ABLIM3: variants seen among roughly 807,000 people sequenced by gnomAD.
ABLIM3 encodes the protein actin binding LIM protein family member 3.
ABLIM3 carries 61 observed loss-of-function variants against 109.5 expected under a neutral mutation model. That is an observed-to-expected ratio of 0.56 (90% CI 0.45 to 0.69). ABLIM3 has a LOEUF of 0.69. Among genes scored for constraint, ABLIM3 ranks in the 30% least tolerant of loss-of-function variants. ABLIM3 has a pLI of 0.00. For synonymous variants in ABLIM3, 300 were observed against 324.8 expected (o/e 0.92, Z 0.82); for missense variants, 796 against 889.5 (o/e 0.89, Z 1.34).
At chr5:149,150,986 A>T (rs1185581698) in intron 2 of ABLIM3, among the ~76,000 whole-genome samples, 2 of 152,266 alleles carry the variant, frequency 1.3e-5, no homozygotes, top group Non-Finnish European at 2.9e-5. Context: ...AGTGCATGGC[A>T]CATAACAAAG....
At position 149,247,876 on chromosome 5, in the gene ABLIM3, C is replaced by T; in HGVS notation, c.1646C>T (p.Thr549Ile). 1 of 1,614,248 alleles carries T rather than the reference C, an allele frequency of 6.2e-7. No individual in the cohort carries two copies. The highest frequency in any genetic ancestry group is 2.2e-5 in the East Asian group (1 of 44,888). Residue 549 changes from threonine (T) to isoleucine (I), a missense_variant, in exon 18 of 24, where the codon ACC (threonine) becomes ATC (isoleucine). Coordinates refer to ENST00000309868, the MANE Select transcript of ABLIM3 (RefSeq NM_014945.5). The part of the protein sequence containing the change: ...ADPWTPPRSS[T>I]SSREALHTAG... ...CCCTGGACCCCTCCCCGGAGCTCCACCAGCAGCCGGGAAGCCCTGCACACA... is the reference window on the plus strand; with the variant it reads ...CCCTGGACCCCTCCCCGGAGCTCCATCAGCAGCCGGGAAGCCCTGCACACA...
intron 5 of ABLIM3, among the ~76,000 whole-genome samples, chr5:149,201,402 A>G (rs1054542577): frequency 4.6e-5 from 7 of 152,078 alleles, no homozygotes; most frequent in South Asian, 2.1e-4. Context: ...GCTGTTGGCC[A>G]TGGCACCAGC....
intron 2 of ABLIM3, among the ~76,000 whole-genome samples, chr5:149,178,647 C>G (rs12523144): frequency 1.0e-3 from 159 of 152,300 alleles, no homozygotes; most frequent in Admixed American, 9.8e-3. Flanking sequence ...GGCAGCACAT[C>G]AGTGAAAGAA....
At position 149,242,533 on chromosome 5, in the gene ABLIM3, G is replaced by T. The variant is rs144233458; in HGVS notation, c.1346G>T (p.Arg449Leu). ...TACCGGAAACCCCCGATCTACAAACGGCATGGTATGGTCAGAGGTAGATAG... is the reference window on the plus strand; with the variant it reads ...TACCGGAAACCCCCGATCTACAAACTGCATGGTATGGTCAGAGGTAGATAG... ...NIYRKPPIYK[R>L]HGDLSTATKS... The change falls in exon 15 of 24, where the codon CGG (arginine) becomes CTG (leucine). Residue 449 changes from arginine to leucine, a missense_variant. By Grantham distance (102) the Arg-to-Leu change is moderately radical. Coordinates refer to ENST00000309868, the MANE Select transcript of ABLIM3 (RefSeq NM_014945.5). 1 of 1,614,036 alleles carries T rather than the reference G, an allele frequency of 6.2e-7. No individual in the cohort carries two copies. The highest frequency in any genetic ancestry group is 8.5e-7 in the Non-Finnish European group (1 of 1,179,998).
intron 2 of ABLIM3, among the ~76,000 whole-genome samples, chr5:149,156,170 G>A (rs1753853528): frequency 6.6e-6 from 1 of 152,212 alleles, no homozygotes; most frequent in African/African-American, 2.4e-5. Context: ...GTGAAAACTG[G>A]TACTTTGAAA....
At chr5:149,248,772 T>G (rs1437423195) in intron 18 of ABLIM3, among the ~76,000 whole-genome samples, 1 of 151,018 alleles carries the variant, frequency 6.6e-6, no homozygotes. Flanking sequence ...CCTGAGGTAG[T>G]GAGTCTACCA....
intron 8 of ABLIM3, among the ~76,000 whole-genome samples, chr5:149,223,536 T>C (rs1760875929): frequency 6.6e-6 from 1 of 152,180 alleles, no homozygotes; most frequent in Non-Finnish European, 1.5e-5. Context: ...CTAAGAAGCG[T>C]CTAGGAGCAG....
In ABLIM3 at chr5:149,259,718, A is replaced by G. The variant is rs1367591475; in HGVS notation, c.*1314A>G. ...CCAAACCTTTCACCTTGAATGGGTA[A>G]TGTTTGGTGGGGGCTGTTCCTTCTT... is the stretch of plus-strand genomic sequence containing the variant. On this transcript the variant is annotated 3_prime_UTR_variant, in exon 24 of 24. Transcript: ENST00000309868. The G allele has an allele frequency of 4.2e-6, 4 of 952,078 alleles. No individual in the cohort carries two copies. Among genetic ancestry groups the G allele is most frequent in the African/African-American group, 3.2e-5 (2 of 61,598 alleles). The allele number at this position is 952,078 out of a possible 1,614,324, so 59.0% of individuals were successfully genotyped here. A position where few individuals can be genotyped will look rare whatever the true frequency, so the allele number is the denominator to read the frequency against.
intron 2 of ABLIM3, 48 bp from the exon 3 acceptor site, chr5:149,183,403 TG>T (rs1172555328): frequency 2.0e-6 from 3 of 1,468,234 alleles, no homozygotes; most frequent in Non-Finnish European, 2.7e-6. Context: ...CAGCAGACTT[TG>T]TAAAGAATCA....
intron 2 of ABLIM3, among the ~76,000 whole-genome samples, chr5:149,169,974 C>T (rs79301835): frequency 0.017 from 2,605 of 152,232 alleles, 35 homozygotes; most frequent in Non-Finnish European, 0.025. Flanking sequence ...TAGCTCCTAT[C>T]TCTTTTTTTA....
At chr5:149,197,667 A>G (rs1330098129) in intron 3 of ABLIM3, among the ~76,000 whole-genome samples, 1 of 152,292 alleles carries the variant, frequency 6.6e-6, no homozygotes, top group East Asian at 1.9e-4. Context: ...TGGTCCTCAC[A>G]CTGCTCTTCA....
At chr5:149,200,543 A>G in intron 5 of ABLIM3, 115 bp downstream of exon 5, 1 of 990,634 alleles carries the variant, frequency 1.0e-6, no homozygotes, top group Non-Finnish European at 1.5e-6. Flanking sequence ...GAGGTTCCCA[A>G]CCTGGAGGCC....
At chr5:149,180,963 T>C (rs1756403669) in intron 2 of ABLIM3, among the ~76,000 whole-genome samples, 1 of 152,226 alleles carries the variant, frequency 6.6e-6, no homozygotes, top group Admixed American at 6.5e-5. Context: ...ATAAAATTGA[T>C]CTTAGAAGTT....
intron 2 of ABLIM3, among the ~76,000 whole-genome samples, chr5:149,176,515 G>T (rs1755942466): frequency 6.6e-6 from 1 of 152,028 alleles, no homozygotes; most frequent in African/African-American, 2.4e-5. Context: ...AGACTGCTTG[G>T]GTTCAGATTC....
At chr5:149,151,488 G>A (rs550615064) in intron 2 of ABLIM3, among the ~76,000 whole-genome samples, 1 of 152,358 alleles carries the variant, frequency 6.6e-6, no homozygotes, top group East Asian at 1.9e-4. Context: ...TCCCCTGAAT[G>A]TCAGCCACTG....
intron 4 of ABLIM3, among the ~76,000 whole-genome samples, chr5:149,200,036 C>T (rs948484467): frequency 4.6e-5 from 7 of 152,146 alleles, no homozygotes; most frequent in African/African-American, 7.2e-5. Flanking sequence ...GTATCTGAGG[C>T]GTTAGTAATC....
In ABLIM3 at chr5:149,169,340, G is replaced by A. The variant is rs556739836; in HGVS notation, c.14-14112G>A. Reference sequence around the variant, plus strand: ...AAGACCCAGATTCCTTCCATCTTAAGGGGATCTCCCCTCAGAATCTATCAT... The same window carrying A: ...AAGACCCAGATTCCTTCCATCTTAAAGGGATCTCCCCTCAGAATCTATCAT... On this transcript the variant is annotated intron_variant, in intron 2 of 23. Coordinates refer to ENST00000309868, the MANE Select transcript of ABLIM3 (RefSeq NM_014945.5). 1.7e-3 allele frequency among the ~76,000 whole-genome samples: 258 copies of A among 152,104 alleles called. 15 individuals carry two copies. In the South Asian group the frequency reaches 0.051, roughly 30 times the overall value.
chr5:149,242,433 C>G, intron 14 of ABLIM3, 58 bp from the exon 15 acceptor site: 1 of 1,564,626 alleles, frequency 6.4e-7, no homozygotes, highest in East Asian at 2.2e-5. Context: ...CCTTTTCTCC[C>G]TTTTCTCCTG....
Position 149,259,322 on chromosome 5 carries a change from A to G in ABLIM3, c.*918A>G. ...AGCTTGTATTCTTTAGCCTTATTAC[A>G]ATCTATGTGCCTGACAACTCAACAC... On this transcript the variant is annotated 3_prime_UTR_variant, in exon 24 of 24. Transcript: ENST00000309868. 2.8e-6 allele frequency: 4 copies of G among 1,420,974 alleles called. No individual in the cohort carries two copies. The highest frequency in any genetic ancestry group is 3.7e-6 in the Non-Finnish European group (4 of 1,090,444). 88.0% of individuals were successfully genotyped at this position (1,420,974 alleles called of 1,614,324 possible).
Sources: gnomAD v4.1 joint callset for allele counts (sites outside exome capture counted in the v4.1 genomes callset) on GRCh38, gnomAD v4.1.1 for gene constraint, MANE v1.5 for transcripts, NCBI Gene and HGNC (gene_info 2026-07-23, HGNC 2026-07-21) for gene names.